Variants in PROM1 observed in about 807,000 individuals in gnomAD.
The protein encoded by PROM1 is prominin-1.
PROM1 carries 105 observed loss-of-function variants against 116.9 expected under a neutral mutation model. The observed-to-expected ratio is 0.90, with a 90% CI of 0.77 to 1.06. The LOEUF is 1.06. Among genes scored for constraint, PROM1 ranks in the 50% least tolerant of loss-of-function variants. The pLI is 0.00. For synonymous variants in PROM1, 393 were observed against 387.0 expected, an observed-to-expected ratio of 1.02 and a Z score of -0.18; for missense variants, 1,122 against 1,045.2, an observed-to-expected ratio of 1.07 and a Z score of -1.01.
At chr4:16,076,766 T>A (rs980581885) in intron 1 of PROM1, 1 of 165,422 alleles carries the variant, frequency 6.0e-6, no homozygotes, top group Non-Finnish European at 1.3e-5. Context: ...CAGCTTGAGA[T>A]GCTGTTAATC....
chr4:16,007,224 A>ACTGAACCC (rs1725746147), intron 12 of PROM1, among the ~76,000 whole-genome samples: 2 of 152,260 alleles, frequency 1.3e-5, no homozygotes, highest in African/African-American at 2.4e-5. Context: ...GAACCAGATT[A>ACTGAACCC]CATGGCAGAT....
intron 2 of PROM1, among the ~76,000 whole-genome samples, chr4:16,056,209 G>C (rs1436066240): frequency 6.6e-6 from 1 of 152,162 alleles, no homozygotes; most frequent in Non-Finnish European, 1.5e-5. Context: ...TCGGCCGCTT[G>C]GGTGTAGGCC....
rs564386345 is a variant in PROM1, at chr4:15,985,334, A to T, written c.2280+426T>A. Among the ~76,000 whole-genome samples, 31 of 152,286 alleles carry T rather than the reference A, an allele frequency of 2.0e-4. No homozygotes were observed. In the Middle Eastern group the frequency reaches 0.01, roughly 50 times the overall value. ...TGGAACGAATAACCCATGGATACTG[A>T]GGGACAATTGTATATATTTTAAAGC... On this transcript the variant is annotated intron_variant, in intron 22 of 27. Transcript: ENST00000447510.
chr4:16,021,756 C>CTA (rs1021905036), intron 8 of PROM1, among the ~76,000 whole-genome samples: 44 of 152,212 alleles, frequency 2.9e-4, no homozygotes, highest in African/African-American at 1.0e-3. Flanking sequence ...CTTCAAGGTA[C>CTA]TAAGTCCCAT....
At chr4:15,976,167 T>A (rs1355668141) in intron 26 of PROM1, 2 of 455,578 alleles carry the variant, frequency 4.4e-6, no homozygotes, top group African/African-American at 4.0e-5. Context: ...AATAGAACAA[T>A]GGCATTTAAT....
At chr4:16,072,323 A>G (rs559332916) in intron 2 of PROM1, among the ~76,000 whole-genome samples, 5 of 152,190 alleles carry the variant, frequency 3.3e-5, no homozygotes, top group Non-Finnish European at 5.9e-5. Flanking sequence ...TAAAAGTGAA[A>G]AACTTTCCAG....
At chr4:16,019,871 T>TACAC (rs3040447) in intron 8 of PROM1, among the ~76,000 whole-genome samples, 10,034 of 148,074 alleles carry the variant, frequency 0.068, 716 homozygotes, top group African/African-American at 0.18. Flanking sequence ...GTGTTAAAAA[T>TACAC]ACACACACAC....
intron 2 of PROM1, among the ~76,000 whole-genome samples, chr4:16,046,307 C>T (rs1193857417): frequency 6.6e-6 from 1 of 152,228 alleles, no homozygotes; most frequent in East Asian, 1.9e-4. Flanking sequence ...TCTTAAATTA[C>T]AAACAGAGGT....
intron 2 of PROM1, among the ~76,000 whole-genome samples, chr4:16,072,487 A>C (rs1049601888): frequency 1.3e-5 from 2 of 152,204 alleles, no homozygotes; most frequent in African/African-American, 4.8e-5. Flanking sequence ...AGTGAAAGAG[A>C]TCTGACCTAA....
At chr4:16,025,005 G>A (rs996683867) in intron 6 of PROM1, among the ~76,000 whole-genome samples, 187 bp downstream of exon 6, 1 of 151,922 alleles carries the variant, frequency 6.6e-6, no homozygotes, top group Non-Finnish European at 1.5e-5. Context: ...TCTGAAATTC[G>A]GCTTTTGTAC....
chr4:16,019,556 T>C (rs1427274404), intron 8 of PROM1, among the ~76,000 whole-genome samples: 2 of 152,076 alleles, frequency 1.3e-5, no homozygotes, highest in Admixed American at 1.3e-4. Context: ...CCCAGAAAAA[T>C]TGTTTGCTAT....
intron 22 of PROM1, 48 bp downstream of exon 22, chr4:15,985,712 T>C: frequency 7.9e-7 from 1 of 1,260,428 alleles, no homozygotes; most frequent in Non-Finnish European, 1.1e-6. Context: ...AAAATGGCTA[T>C]CCTGAAACTT....
chr4:16,047,325 C>T (rs1163221711), intron 2 of PROM1, among the ~76,000 whole-genome samples: 1 of 152,134 alleles, frequency 6.6e-6, no homozygotes, highest in African/African-American at 2.4e-5. Context: ...CTGCCTCAGC[C>T]TCCCAAGTAA....
intron 26 of PROM1, among the ~76,000 whole-genome samples, chr4:15,974,503 C>T (rs925201586): frequency 2.0e-5 from 3 of 152,216 alleles, no homozygotes; most frequent in Non-Finnish European, 4.4e-5. Context: ...CAGCCCACTT[C>T]ATGGTTCTTA....
At chr4:16,055,983 C>T (rs1738911087) in intron 2 of PROM1, among the ~76,000 whole-genome samples, 1 of 152,056 alleles carries the variant, frequency 6.6e-6, no homozygotes, top group South Asian at 2.1e-4. Context: ...TGACTCTGTC[C>T]ATATTCTCCA....
Position 16,075,758 on chromosome 4 carries a change from C to T in PROM1, c.149G>A (p.Gly50Glu), listed in dbSNP as rs772579915. ...NYETQDSHKA[G>E]PIGILFELVH... ...TAGTTCAAAGAGAATGCCAATGGGT[C>T]CAGCTTTATGGGAGTCTTGGGTCTC... The change falls in exon 2 of 28, where the codon GGA (glycine) becomes GAA (glutamate). Residue 50 changes from glycine to glutamate, a missense_variant. Gly to Glu is a moderately conservative substitution (Grantham distance 98). Transcript: ENST00000447510. 29 of 1,613,802 alleles carry T rather than the reference C, an allele frequency of 1.8e-5. 1 individual carries two copies. The Admixed American group carries it at 2.5e-4, about 14-fold the overall frequency.
intron 24 of PROM1, chr4:15,980,200 G>C (rs1717398003): frequency 1.6e-6 from 1 of 625,130 alleles, no homozygotes; most frequent in Non-Finnish European, 2.8e-6. Context: ...GGTTAGGGAA[G>C]CTGAGAGGAT....
intron 14 of PROM1, 98 bp from the exon 15 acceptor site, chr4:15,998,586 T>C (rs1193403091): frequency 3.2e-6 from 4 of 1,243,372 alleles, no homozygotes; most frequent in Non-Finnish European, 4.1e-6. Context: ...ATTTTGGAAA[T>C]TTTTCATAAC....
chr4:16,068,644 G>A (rs939320246), intron 2 of PROM1, among the ~76,000 whole-genome samples: 2 of 152,188 alleles, frequency 1.3e-5, no homozygotes, highest in African/African-American at 4.8e-5. Context: ...GTGGAATAAA[G>A]TGTCGCTCAA....
Sources: gnomAD v4.1 joint callset for allele counts (sites outside exome capture counted in the v4.1 genomes callset) on GRCh38, gnomAD v4.1.1 for gene constraint, MANE v1.5 for transcripts, NCBI Gene and HGNC (gene_info 2026-07-23, HGNC 2026-07-21) for gene names.